The following AK8 variants were observed in gnomAD, a reference collection of about 807,000 sequenced individuals.
AK8 encodes ATP-AMP transphosphorylase 8.
A neutral mutation model predicts 54.6 loss-of-function variants in AK8; 44 were observed. That is an observed-to-expected ratio of 0.81 (90% CI 0.63 to 1.04). The LOEUF (loss-of-function observed/expected upper bound fraction) is 1.04. AK8 is among the 50% of genes least tolerant of loss of function. AK8 has a pLI of 0.00. For missense variants in AK8, 555 were observed against 613.6 expected (o/e 0.90, Z 1.01); for synonymous variants, 239 against 245.6 (o/e 0.97, Z 0.25).
chr9:132,780,775 G>A (rs2131126457), intron 11 of AK8, among the ~76,000 whole-genome samples: 1 of 152,238 alleles, frequency 6.6e-6, no homozygotes, highest in East Asian at 1.9e-4. Context: ...AGATACTCCA[G>A]AAAACAACAC....
At chr9:132,736,274 C>T (rs1323805601) in intron 11 of AK8, among the ~76,000 whole-genome samples, 2 of 151,480 alleles carry the variant, frequency 1.3e-5, no homozygotes, top group African/African-American at 4.8e-5. Flanking sequence ...GCAACCTCCG[C>T]CTCCCGGATT....
At chr9:132,800,043 T>C (rs1840369694) in intron 10 of AK8, among the ~76,000 whole-genome samples, 1 of 152,234 alleles carries the variant, frequency 6.6e-6, no homozygotes, top group Non-Finnish European at 1.5e-5. Context: ...TCACACAACC[T>C]GGTGCCTGAA....
At chr9:132,863,546 T>C in intron 4 of AK8, 119 bp downstream of exon 4, 1 of 683,688 alleles carries the variant, frequency 1.5e-6, no homozygotes, top group East Asian at 2.7e-5. Context: ...TACCCCAGCA[T>C]TTTCTTGTAC....
intron 5 of AK8, among the ~76,000 whole-genome samples, chr9:132,832,362 A>T (rs1842143626): frequency 1.3e-5 from 2 of 151,912 alleles, no homozygotes; most frequent in Non-Finnish European, 2.9e-5. Context: ...GCCGGGCTGC[A>T]GCTCTTAGAA....
chr9:132,741,639 G>A (rs72773429), intron 11 of AK8, among the ~76,000 whole-genome samples: 3,016 of 149,026 alleles, frequency 0.02, 50 homozygotes, highest in Middle Eastern at 0.041. Context: ...CCTAGTTTTC[G>A]TTTTTGTTTT....
chr9:132,780,645 A>T (rs1455587775), intron 11 of AK8, among the ~76,000 whole-genome samples: 1 of 152,246 alleles, frequency 6.6e-6, no homozygotes, highest in Non-Finnish European at 1.5e-5. Context: ...CCTCAAAGGA[A>T]CCTATATAGC....
chr9:132,742,188 T>TGA (rs1367826096), intron 11 of AK8, among the ~76,000 whole-genome samples: 4 of 150,494 alleles, frequency 2.7e-5, no homozygotes, highest in South Asian at 2.1e-4. Context: ...TTTTTTTTTT[T>TGA]GAGAGAGATA....
chr9:132,826,834 GGCTGCCT>G lies in AK8; in HGVS notation c.757+13_757+19del. 6.2e-7 allele frequency: 1 copy of G among 1,613,170 alleles called. No individual in the cohort carries two copies. The highest frequency in any genetic ancestry group is 8.5e-7 in the Non-Finnish European group (1 of 1,179,096). ...GCCCTTGGCCGTCTGTCCAGGGTGGGGCTGCCTGCTTGTGTTTACCCTGGTAGAAGAC... is the reference window on the plus strand; with the variant it reads ...GCCCTTGGCCGTCTGTCCAGGGTGGGGCTTGTGTTTACCCTGGTAGAAGAC... On this transcript the variant is annotated intron_variant, in intron 8 of 12. Transcript: ENST00000298545. This position sits in a 1 kb window ranked among gnomAD's most constrained non-coding sequence, Gnocchi z 4.5.
chr9:132,834,263 T>C (rs1172451211), intron 5 of AK8, among the ~76,000 whole-genome samples: 1 of 152,206 alleles, frequency 6.6e-6, no homozygotes, highest in African/African-American at 2.4e-5. Context: ...TTTGGGACAG[T>C]GATATGTTCT....
chr9:132,746,850 G>A lies in AK8; in HGVS notation c.1122-19316C>T, dbSNP rs534881823. ...CCAACTGCACATTAAAAGAAAGTAA[G>A]TTCACTTGGTCTAAAATATTTAATT... On this transcript the variant is annotated intron_variant, in intron 11 of 12. Transcript: ENST00000298545. Among the ~76,000 whole-genome samples the A allele has an allele frequency of 6.6e-5, 10 of 152,304 alleles. No individual in the cohort carries two copies. The South Asian group carries it at 2.1e-3, about 32-fold the overall frequency.
Position 132,800,952 on chromosome 9 carries a change from T to A in AK8, c.980-8177A>T, listed in dbSNP as rs1280325795. On this transcript the variant is annotated intron_variant, in intron 10 of 12. Coordinates refer to ENST00000298545, the MANE Select transcript of AK8 (RefSeq NM_152572.3). Reference sequence around the variant, plus strand: ...TTTTTTTTTTTTTGAGACGGAGTAGTCTCGCTCTGTCGCCCAGGCTGGAGT... The same window carrying A: ...TTTTTTTTTTTTTGAGACGGAGTAGACTCGCTCTGTCGCCCAGGCTGGAGT... Among the ~76,000 whole-genome samples, 7 of 142,728 alleles carry A rather than the reference T, an allele frequency of 4.9e-5. No homozygotes were observed. The East Asian group carries it at 1.5e-3, about 30-fold the overall frequency. 93.6% of individuals were successfully genotyped at this position (142,728 alleles called of 152,430 possible). A position where few individuals can be genotyped will look rare whatever the true frequency, so the allele number is the denominator to read the frequency against.
At chr9:132,821,761 A>G (rs56201498) in intron 9 of AK8, among the ~76,000 whole-genome samples, 2,370 of 98,258 alleles carry the variant, frequency 0.024, 18 homozygotes, top group East Asian at 0.097. Flanking sequence ...ACAAATATAT[A>G]CATATATGTA....
At chr9:132,812,530 T>TGCCCACTGGGATGACGGATGAGCCGCCGC (rs1841086512) in intron 10 of AK8, among the ~76,000 whole-genome samples, 1 of 130,644 alleles carries the variant, frequency 7.7e-6, no homozygotes, top group Non-Finnish European at 1.7e-5. Context: ...TGAGCTACCG[T>TGCCCACTGGGATGACGGATGAGCCGCCGC]GCCCACTGGG....
At chr9:132,815,483 G>A (rs2131263642) in intron 9 of AK8, among the ~76,000 whole-genome samples, 1 of 152,262 alleles carries the variant, frequency 6.6e-6, no homozygotes, top group African/African-American at 2.4e-5. Context: ...AACCTGGGAG[G>A]TGGAGGTTGC....
intron 11 of AK8, among the ~76,000 whole-genome samples, chr9:132,778,732 T>C (rs1222574323): frequency 2.0e-5 from 3 of 152,202 alleles, no homozygotes. Context: ...TTTAATTTCA[T>C]AATGTACCAC....
intron 11 of AK8, among the ~76,000 whole-genome samples, chr9:132,740,880 G>C (rs1166657070): frequency 6.6e-6 from 1 of 152,222 alleles, no homozygotes; most frequent in Non-Finnish European, 1.5e-5. Context: ...GGATGCAGAA[G>C]AGTTGACCAA....
Position 132,814,030 on chromosome 9 carries a change from C to G in AK8, c.979+608G>C, listed in dbSNP as rs138328513. On this transcript the variant is annotated intron_variant, in intron 10 of 12. Transcript: ENST00000298545. Reference sequence around the variant, plus strand: ...TGGTGGCTTACACCTGTAATCCCAGCGTTTTGGGAGGCTGAAACAGGAGGA... The same window carrying G: ...TGGTGGCTTACACCTGTAATCCCAGGGTTTTGGGAGGCTGAAACAGGAGGA... Among the ~76,000 whole-genome samples the G allele has an allele frequency of 2.6e-5, 4 of 151,984 alleles. No homozygotes were observed. The East Asian group carries it at 7.7e-4, about 29-fold the overall frequency.
At chr9:132,846,539 GAATGAATGAAT>G (rs1842760742) in intron 5 of AK8, among the ~76,000 whole-genome samples, 1 of 103,774 alleles carries the variant, frequency 9.6e-6, no homozygotes, top group African/African-American at 2.9e-5. Flanking sequence ...ATGAATGAAT[GAATGAATGAAT>G]GAGTACTTTT....
intron 5 of AK8, among the ~76,000 whole-genome samples, chr9:132,846,404 A>G (rs907462023): frequency 2.6e-5 from 4 of 152,234 alleles, no homozygotes; most frequent in South Asian, 2.1e-4. Flanking sequence ...CTGTCTCTCC[A>G]TGACTAGAAC....
Sources: allele counts gnomAD v4.1 joint callset (sites outside exome capture counted in the v4.1 genomes callset), GRCh38; gene constraint gnomAD v4.1.1; non-coding constraint Gnocchi (gnomAD v3.1); transcripts MANE v1.5; gene names NCBI Gene and HGNC (gene_info 2026-07-23, HGNC 2026-07-21).